The following RABGAP1L variants were observed in gnomAD, a reference collection of about 807,000 sequenced individuals.
RABGAP1L encodes the protein RAB GTPase activating protein 1 like, also known as rab GTPase-activating protein 1-like.
In RABGAP1L, 63 loss-of-function variants were observed where a neutral mutation model predicts 137.7. The ratio of observed to expected loss-of-function variants is 0.46; its 90% confidence interval spans 0.37 to 0.56. The LOEUF (loss-of-function observed/expected upper bound fraction) is 0.56. Ranked by LOEUF, RABGAP1L falls within the 20% of genes least tolerant of loss-of-function variation. RABGAP1L has a pLI of 0.00. For missense variants in RABGAP1L, 1,095 were observed against 1,244.0 expected (o/e 0.88, Z 1.80); for synonymous variants, 431 against 433.7 (o/e 0.99, Z 0.08).
chr1:174,973,982 T>TG (rs1553298507), intron 21 of RABGAP1L, among the ~76,000 whole-genome samples: 1 of 65,918 alleles, frequency 1.5e-5, no homozygotes, highest in African/African-American at 4.7e-5. Flanking sequence ...GTTTTTTGTT[T>TG]TTTTTTTTTT....
intron 14 of RABGAP1L, among the ~76,000 whole-genome samples, chr1:174,638,083 T>A (rs1286352534): frequency 6.6e-6 from 1 of 152,178 alleles, no homozygotes; most frequent in African/African-American, 2.4e-5. Context: ...GCCATCAAGT[T>A]ATTAATTTTA....
At chr1:174,646,536 T>C (rs776922895) in intron 14 of RABGAP1L, among the ~76,000 whole-genome samples, 16 of 152,178 alleles carry the variant, frequency 1.1e-4, no homozygotes, top group Non-Finnish European at 2.4e-4. Flanking sequence ...TGTGGTGTTA[T>C]TTCTGAGGCC....
intron 11 of RABGAP1L, among the ~76,000 whole-genome samples, chr1:174,308,711 C>G (rs2148786625): frequency 6.6e-6 from 1 of 151,946 alleles, no homozygotes; most frequent in South Asian, 2.1e-4. Flanking sequence ...TATTTCTGTT[C>G]TGTTTATCCC....
chr1:174,417,218 C>A (rs1455794346), intron 13 of RABGAP1L, among the ~76,000 whole-genome samples: 2 of 152,124 alleles, frequency 1.3e-5, no homozygotes, highest in African/African-American at 4.8e-5. Flanking sequence ...TATTAATGGA[C>A]ACATAATACG....
chr1:174,569,870 A>G (rs1314696207), intron 13 of RABGAP1L, among the ~76,000 whole-genome samples: 1 of 152,194 alleles, frequency 6.6e-6, no homozygotes, highest in Non-Finnish European at 1.5e-5. Flanking sequence ...AAATATCTCT[A>G]ATTTTGAGAA....
At chr1:174,251,330 A>G (rs1341043452) in intron 6 of RABGAP1L, among the ~76,000 whole-genome samples, 7 of 151,872 alleles carry the variant, frequency 4.6e-5, no homozygotes, top group Non-Finnish European at 8.8e-5. Flanking sequence ...GTAACTGATA[A>G]TATATGGTTT....
chr1:174,713,581 C>T (rs1243329090), intron 17 of RABGAP1L, among the ~76,000 whole-genome samples: 1 of 152,192 alleles, frequency 6.6e-6, no homozygotes, highest in Non-Finnish European at 1.5e-5. Context: ...CGTTTACTCT[C>T]TCACTGTATG....
chr1:174,699,021 G>T (rs759552323), intron 15 of RABGAP1L, among the ~76,000 whole-genome samples: 45 of 150,920 alleles, frequency 3.0e-4, no homozygotes, highest in Non-Finnish European at 5.8e-4. Context: ...TTTAGACGGG[G>T]TCTCGCTCTG....
At chr1:174,513,701 A>T (rs1174542767) in intron 13 of RABGAP1L, among the ~76,000 whole-genome samples, 1 of 152,176 alleles carries the variant, frequency 6.6e-6, no homozygotes, top group Admixed American at 6.5e-5. Flanking sequence ...GCTATACCAT[A>T]TTACTGACAT....
In RABGAP1L at chr1:174,552,858, C is replaced by T. The variant is rs186485499; in HGVS notation, c.1711-84517C>T. 4.2e-3 allele frequency among the ~76,000 whole-genome samples: 647 copies of T among 152,268 alleles called. 6 individuals carry two copies. Among genetic ancestry groups the T allele is most frequent in the African/African-American group, 0.015 (611 of 41,552 alleles). On this transcript the variant is annotated intron_variant, in intron 13 of 25. Transcript: ENST00000681986. ...CTCCCATCAACAGTGTATAAGCGTTCGTTTGTCTCCATAACCTCACCAGCA... is the reference window on the plus strand; with the variant it reads ...CTCCCATCAACAGTGTATAAGCGTTTGTTTGTCTCCATAACCTCACCAGCA...
chr1:174,477,809 T>C (rs1658658574), intron 13 of RABGAP1L, among the ~76,000 whole-genome samples: 1 of 152,152 alleles, frequency 6.6e-6, no homozygotes, highest in Non-Finnish European at 1.5e-5. Flanking sequence ...TGTATCTACA[T>C]TAAGAAGATC....
chr1:174,578,110 G>T (rs1043735325), intron 13 of RABGAP1L, among the ~76,000 whole-genome samples: 1 of 152,178 alleles, frequency 6.6e-6, no homozygotes, highest in Non-Finnish European at 1.5e-5. Flanking sequence ...ATATGTGCCT[G>T]TTTGAATATT....
intron 18 of RABGAP1L, among the ~76,000 whole-genome samples, chr1:174,765,446 A>AT (rs925329978): frequency 6.6e-6 from 1 of 151,990 alleles, no homozygotes; most frequent in African/African-American, 2.4e-5. Context: ...ACAGATATAT[A>AT]TTTTTTGAGT....
At chr1:174,900,279 G>A (rs536986854) in intron 19 of RABGAP1L, among the ~76,000 whole-genome samples, 13 of 152,264 alleles carry the variant, frequency 8.5e-5, no homozygotes, top group African/African-American at 2.6e-4. Flanking sequence ...GTGTGGGAGC[G>A]GGCCTGATCA....
intron 13 of RABGAP1L, among the ~76,000 whole-genome samples, chr1:174,495,912 ATCTTGCTG>A (rs1257629564): frequency 6.6e-6 from 1 of 152,128 alleles, no homozygotes; most frequent in Non-Finnish European, 1.5e-5. Flanking sequence ...TAGAGATGAG[ATCTTGCTG>A]TGTTACCCAG....
chr1:174,171,837 C>T (rs1253718464), intron 1 of RABGAP1L, among the ~76,000 whole-genome samples: 2 of 151,940 alleles, frequency 1.3e-5, no homozygotes, highest in African/African-American at 4.8e-5. Flanking sequence ...CCCGTCTCTA[C>T]TAAAAATACA....
chr1:174,445,048 T>C (rs1472513209), intron 13 of RABGAP1L, among the ~76,000 whole-genome samples: 1 of 152,104 alleles, frequency 6.6e-6, no homozygotes, highest in Non-Finnish European at 1.5e-5. Context: ...ACCTACTTCA[T>C]AGAGTTTTAA....
At chr1:174,824,330 T>C (rs1691350976) in intron 19 of RABGAP1L, among the ~76,000 whole-genome samples, 1 of 151,440 alleles carries the variant, frequency 6.6e-6, no homozygotes, top group Non-Finnish European at 1.5e-5. Flanking sequence ...TATCTATATA[T>C]ATATTAGTAC....
At chr1:174,257,106 T>G (rs1360081518) in intron 7 of RABGAP1L, among the ~76,000 whole-genome samples, 1 of 152,200 alleles carries the variant, frequency 6.6e-6, no homozygotes, top group Admixed American at 6.5e-5. Context: ...CAAATTGCCC[T>G]AGAATCAACC....
Sources: allele counts gnomAD v4.1 joint callset (sites outside exome capture counted in the v4.1 genomes callset), GRCh38; gene constraint gnomAD v4.1.1; transcripts MANE v1.5; gene names NCBI Gene and HGNC (gene_info 2026-07-23, HGNC 2026-07-21).